The following CDH13 variants were observed in gnomAD, a reference collection of about 807,000 sequenced individuals.
CDH13 encodes cadherin 13.
A neutral mutation model predicts 63.8 loss-of-function variants in CDH13; 24 were observed. That is an observed-to-expected ratio of 0.38 (90% CI 0.27 to 0.53). The LOEUF is 0.53. Ranked by LOEUF, CDH13 falls within the 20% of genes least tolerant of loss-of-function variation. The pLI is 0.85. For missense variants in CDH13, 1,049 were observed against 903.1 expected (o/e 1.16, Z -2.07); for synonymous variants, 503 against 355.3 (o/e 1.42, Z -4.67).
intron 4 of CDH13, 115 bp from the exon 5 acceptor site, chr16:83,217,230 A>C (rs2039562936): frequency 6.3e-6 from 6 of 953,024 alleles, no homozygotes. Context: ...TGTGTTCACC[A>C]GGTACCCATG....
chr16:83,281,116 C>T (rs1402895605), intron 5 of CDH13, among the ~76,000 whole-genome samples: 1 of 151,844 alleles, frequency 6.6e-6, no homozygotes, highest in Non-Finnish European at 1.5e-5. Context: ...TACACGGCAT[C>T]TTCTTTCAAT....
intron 10 of CDH13, among the ~76,000 whole-genome samples, chr16:83,717,449 T>C (rs1254900182): frequency 1.3e-5 from 2 of 152,228 alleles, no homozygotes; most frequent in Non-Finnish European, 2.9e-5. Context: ...TGTCTCCACT[T>C]TCTTCTGTCT....
At chr16:82,812,575 A>C (rs2151182913) in intron 1 of CDH13, among the ~76,000 whole-genome samples, 1 of 152,194 alleles carries the variant, frequency 6.6e-6, no homozygotes, top group South Asian at 2.1e-4. Context: ...GCAAGAGAAC[A>C]CTGGAAGTTC....
At chr16:83,036,976 C>T (rs943061072) in intron 3 of CDH13, among the ~76,000 whole-genome samples, 1 of 152,102 alleles carries the variant, frequency 6.6e-6, no homozygotes, top group Non-Finnish European at 1.5e-5. Context: ...AGGATGGAGA[C>T]AGCATCTGAA....
intron 3 of CDH13, among the ~76,000 whole-genome samples, chr16:83,119,237 C>T (rs141060398): frequency 2.0e-5 from 3 of 152,310 alleles, no homozygotes; most frequent in Non-Finnish European, 2.9e-5. Context: ...TGCTGAAACT[C>T]ATCAGATGGT....
intron 7 of CDH13, among the ~76,000 whole-genome samples, chr16:83,527,150 A>T (rs2061888152): frequency 6.6e-6 from 1 of 151,748 alleles, no homozygotes; most frequent in African/African-American, 2.4e-5. Context: ...AAATTGTTTT[A>T]ATTAAAGAAT....
chr16:83,222,931 T>C (rs2039739469), intron 5 of CDH13, among the ~76,000 whole-genome samples: 1 of 152,094 alleles, frequency 6.6e-6, no homozygotes, highest in Admixed American at 6.6e-5. Flanking sequence ...GGGGCTGTCC[T>C]GTGAATTGTA....
chr16:83,363,247 G>T (rs1242566777), intron 6 of CDH13, among the ~76,000 whole-genome samples: 2 of 152,216 alleles, frequency 1.3e-5, no homozygotes, highest in African/African-American at 4.8e-5. Flanking sequence ...GCTGCTTCTT[G>T]TGCTTCATTG....
intron 4 of CDH13, among the ~76,000 whole-genome samples, chr16:83,152,796 C>T (rs983376466): frequency 8.5e-5 from 13 of 152,096 alleles, no homozygotes; most frequent in African/African-American, 2.9e-4. Context: ...AGGGTTGTGG[C>T]AGATATAATT....
At chr16:82,994,397 C>G (rs965142115) in intron 2 of CDH13, among the ~76,000 whole-genome samples, 1 of 152,078 alleles carries the variant, frequency 6.6e-6, no homozygotes, top group South Asian at 2.1e-4. Flanking sequence ...TGCCTGAGAC[C>G]CCCTACCTTT....
chr16:82,676,628 C>T (rs537457205), intron 1 of CDH13, among the ~76,000 whole-genome samples: 15 of 151,770 alleles, frequency 9.9e-5, no homozygotes, highest in African/African-American at 2.4e-4. Flanking sequence ...ATGCATATGA[C>T]GATGTCATTC....
intron 4 of CDH13, among the ~76,000 whole-genome samples, chr16:83,206,875 A>C (rs1463181767): frequency 6.9e-6 from 1 of 143,990 alleles, no homozygotes; most frequent in African/African-American, 2.5e-5. Flanking sequence ...AATTCACAAA[A>C]GGGCCTTGAC....
At chr16:82,981,118 A>T (rs1428427891) in intron 2 of CDH13, among the ~76,000 whole-genome samples, 1 of 152,184 alleles carries the variant, frequency 6.6e-6, no homozygotes, top group Non-Finnish European at 1.5e-5. Context: ...TTTCTATGGG[A>T]ATATTTTCCA....
chr16:83,747,413 G>A (rs1318507111), intron 10 of CDH13, among the ~76,000 whole-genome samples: 1 of 152,162 alleles, frequency 6.6e-6, no homozygotes, highest in Admixed American at 6.5e-5. Context: ...CACCACGTAA[G>A]ACATGCCTTT....
chr16:83,578,386 G>A (rs1190938921), intron 7 of CDH13, among the ~76,000 whole-genome samples: 1 of 152,172 alleles, frequency 6.6e-6, no homozygotes. Context: ...TGTTAAAGGA[G>A]ACAGGGCTGG....
chr16:83,007,824 C>CA (rs563773010), intron 2 of CDH13, among the ~76,000 whole-genome samples: 5,721 of 124,918 alleles, frequency 0.046, 132 homozygotes, highest in Non-Finnish European at 0.051. Flanking sequence ...ACGACTCTGT[C>CA]AAAAAAAAAA....
At chr16:83,141,821 C>T (rs984392136) in intron 4 of CDH13, among the ~76,000 whole-genome samples, 12 of 152,194 alleles carry the variant, frequency 7.9e-5, no homozygotes, top group African/African-American at 2.7e-4. Flanking sequence ...CCAGCTTTAT[C>T]CATGTCCCTG....
chr16:83,036,819 A>T (rs1037337962), intron 3 of CDH13, among the ~76,000 whole-genome samples: 3 of 152,120 alleles, frequency 2.0e-5, no homozygotes, highest in African/African-American at 7.2e-5. Context: ...CCCGGAGATG[A>T]TTTGGCTCCA....
chr16:82,678,909 A>G (rs900382426), intron 1 of CDH13, among the ~76,000 whole-genome samples: 1 of 152,164 alleles, frequency 6.6e-6, no homozygotes, highest in African/African-American at 2.4e-5. Flanking sequence ...AAAGGCCAAT[A>G]ATTGGGACTG....
Sources: gnomAD v4.1 joint callset for allele counts (sites outside exome capture counted in the v4.1 genomes callset) on GRCh38, gnomAD v4.1.1 for gene constraint, MANE v1.5 for transcripts, NCBI Gene and HGNC (gene_info 2026-07-23, HGNC 2026-07-21) for gene names.